XYLT1: variants seen among roughly 807,000 people sequenced by gnomAD.
XYLT1 encodes the protein xylosyltransferase 1, also known as beta-D-xylosyltransferase 1.
Under a neutral mutation model 91.3 loss-of-function variants are expected in XYLT1, and 36 were observed. The observed-to-expected ratio is 0.39, with a 90% confidence interval of 0.30 to 0.52. The LOEUF (loss-of-function observed/expected upper bound fraction) is 0.52. Among genes scored for constraint, XYLT1 ranks in the 20% least tolerant of loss-of-function variants. The pLI is 0.68. For synonymous variants in XYLT1, 588 were observed against 532.0 expected (o/e 1.11, Z -1.45); for missense variants, 1,242 against 1,284.5 (o/e 0.97, Z 0.51).
In XYLT1 at chr16:17,259,465, C is replaced by T. The variant is rs2033689677; in HGVS notation, c.436G>A (p.Val146Met). Residue 146 changes from valine (V) to methionine (M), a missense_variant, in exon 3 of 12, where the codon GTG becomes ATG. Physicochemically the swap from Val to Met is conservative, Grantham distance 21 (BLOSUM62 1). This residue lies in a region of XYLT1 where 437 missense variants were observed against 411.5 expected (regional missense o/e 1.06). Transcript: ENST00000261381. ...TTCTCGTTGTTGCTGTCTGTTCGCA[C>T]TTTCTCTTTCGGCCGATGAGAAAAG... ...GYFSHRPKEK[V>M]RTDSNNENSV... 6.2e-7 allele frequency: 1 copy of T among 1,611,506 alleles called. No homozygotes were observed. Among genetic ancestry groups the T allele is most frequent in the Non-Finnish European group, 8.5e-7 (1 of 1,179,008 alleles).
intron 2 of XYLT1, 139 bp from the exon 3 acceptor site, chr16:17,259,637 C>T: frequency 3.8e-6 from 4 of 1,043,316 alleles, no homozygotes; most frequent in Non-Finnish European, 5.5e-6. Flanking sequence ...CTGGTTTAAC[C>T]TCTGGTAAGA....
intron 2 of XYLT1, among the ~76,000 whole-genome samples, chr16:17,305,767 C>G (rs1348528718): frequency 1.3e-5 from 2 of 152,056 alleles, no homozygotes; most frequent in Non-Finnish European, 2.9e-5. Context: ...CTATAAGGAC[C>G]CGGCAAACCC....
chr16:17,402,024 C>T (rs1010758319), intron 1 of XYLT1, among the ~76,000 whole-genome samples: 45 of 152,098 alleles, frequency 3.0e-4, no homozygotes, highest in Non-Finnish European at 6.2e-4. Context: ...CTAGGCTGAG[C>T]GTGGTGGCTC....
At chr16:17,321,489 C>A (rs540653373) in intron 2 of XYLT1, among the ~76,000 whole-genome samples, 1 of 150,974 alleles carries the variant, frequency 6.6e-6, no homozygotes, top group Non-Finnish European at 1.5e-5. Flanking sequence ...TCTCAAGTAG[C>A]TGGGATTACA....
chr16:17,192,545 G>A (rs372182613), intron 5 of XYLT1, among the ~76,000 whole-genome samples: 8 of 152,154 alleles, frequency 5.3e-5, no homozygotes, highest in Non-Finnish European at 8.8e-5. Flanking sequence ...CATACCTTTC[G>A]AGGATTCAAG....
At chr16:17,239,274 C>T (rs2033299373) in intron 3 of XYLT1, among the ~76,000 whole-genome samples, 1 of 151,422 alleles carries the variant, frequency 6.6e-6, no homozygotes, top group Non-Finnish European at 1.5e-5. Context: ...CCCAGTCCAT[C>T]CATCCATGAT....
chr16:17,185,703 A>G (rs1465837546), intron 5 of XYLT1, among the ~76,000 whole-genome samples: 9 of 152,206 alleles, frequency 5.9e-5, no homozygotes, highest in Admixed American at 4.6e-4. Flanking sequence ...GACACTTTAA[A>G]AATATATAGA....
At chr16:17,313,413 G>A (rs367744851) in intron 2 of XYLT1, among the ~76,000 whole-genome samples, 6 of 152,148 alleles carry the variant, frequency 3.9e-5, no homozygotes, top group East Asian at 1.9e-4. Flanking sequence ...GGCAGCCAGC[G>A]ACCTACCAGA....
At chr16:17,380,910 C>T (rs2035671756) in intron 1 of XYLT1, among the ~76,000 whole-genome samples, 1 of 152,178 alleles carries the variant, frequency 6.6e-6, no homozygotes, top group Non-Finnish European at 1.5e-5. Context: ...TACAAAAGGA[C>T]AAATACTGTG....
In XYLT1 at chr16:17,431,310, C is replaced by G. The variant is rs552575832; in HGVS notation, c.363+39124G>C. 2.6e-5 allele frequency among the ~76,000 whole-genome samples: 4 copies of G among 152,302 alleles called. No individual in the cohort carries two copies. In the East Asian group the frequency reaches 7.7e-4, roughly 29 times the overall value. On this transcript the variant is annotated intron_variant, in intron 1 of 11. Transcript: ENST00000261381. ...ACGTGCACATCTATCGCCTGGGAAT[C>G]TTGTGAAAATGCAAATTCTGACTCA... is the stretch of plus-strand genomic sequence containing the variant.
chr16:17,134,557 G>T lies in XYLT1; in HGVS notation c.1943C>A (p.Thr648Lys). ...PDGIHSLSDVTLTLYHSFARL... is the reference protein window; with the variant it reads ...PDGIHSLSDVKLTLYHSFARL... The stretch of plus-strand genomic sequence containing the variant: ...GGCAAAGGAGTGGTACAAGGTGAGT[G>T]TCACGTCGCTCAGGCTGTGGATGCC... The change falls in exon 9 of 12, where the codon ACA becomes AAA. Residue 648 changes from threonine (T) to lysine (K), a missense_variant. This residue lies in a region of XYLT1 where 511 missense variants were observed against 497.0 expected (regional missense o/e 1.03). Transcript: ENST00000261381. 6.2e-7 allele frequency: 1 copy of T among 1,614,200 alleles called. No homozygotes were observed. The highest frequency in any genetic ancestry group is 8.5e-7 in the Non-Finnish European group (1 of 1,180,046).
Position 17,102,754 on chromosome 16 carries a change from T to C in XYLT1, c.*5941A>G, listed in dbSNP as rs1966722411. 1.0e-5 allele frequency: 1 copy of C among 97,678 alleles called. No homozygotes were observed. Among genetic ancestry groups the C allele is most frequent in the African/African-American group, 7.7e-5 (1 of 12,916 alleles). The allele number at this position is 97,678 out of a possible 1,614,324, so 6.1% of individuals were successfully genotyped here. On this transcript the variant is annotated 3_prime_UTR_variant, in exon 12 of 12. Transcript: ENST00000261381. ...CCATTTGAATTCTTTTTTTAAAACT[T>C]TATTTACAGATTTTTTTTAAAATCA...
chr16:17,389,752 T>C (rs1404286886), intron 1 of XYLT1, among the ~76,000 whole-genome samples: 1 of 152,062 alleles, frequency 6.6e-6, no homozygotes, highest in Non-Finnish European at 1.5e-5. Flanking sequence ...AATCAAAGGG[T>C]GTAGGCTTCA....
At chr16:17,456,209 C>CT (rs138121598) in intron 1 of XYLT1, among the ~76,000 whole-genome samples, 12,384 of 151,430 alleles carry the variant, frequency 0.082, 554 homozygotes, top group Middle Eastern at 0.12. Flanking sequence ...CACACTCGAC[C>CT]TTTTTTTTAC....
chr16:17,458,693 AC>A (rs921563846), intron 1 of XYLT1, among the ~76,000 whole-genome samples: 13 of 152,108 alleles, frequency 8.5e-5, no homozygotes, highest in Non-Finnish European at 1.6e-4. Flanking sequence ...ATCGTCATTA[AC>A]CAACCAAGCT....
At chr16:17,432,286 G>A (rs187652125) in intron 1 of XYLT1, among the ~76,000 whole-genome samples, 181 of 152,234 alleles carry the variant, frequency 1.2e-3, no homozygotes, top group African/African-American at 3.8e-3. Flanking sequence ...TCATAGCAGC[G>A]TTATTCACAA....
In XYLT1 at chr16:17,259,615, C is replaced by A. The variant is rs542796565; in HGVS notation, c.403-117G>T. ...GAAGCCGGGGCCATAGTTTCACATC[C>A]TACTTTTGCTACTGGTTTAACCTCT... is the stretch of plus-strand genomic sequence containing the variant. On this transcript the variant is annotated intron_variant, in intron 2 of 11. Transcript: ENST00000261381. 1.2e-3 allele frequency: 1,462 copies of A among 1,210,658 alleles called. 9 individuals are homozygous for A. In the South Asian group the frequency reaches 0.012, roughly 10 times the overall value. The allele number at this position is 1,210,658 out of a possible 1,614,324, so 75.0% of individuals were successfully genotyped here. A position where few individuals can be genotyped will look rare whatever the true frequency, so the allele number is the denominator to read the frequency against.
At position 17,405,851 on chromosome 16, in the gene XYLT1, T is replaced by A. The variant is rs113683827; in HGVS notation, c.364-47801A>T. On this transcript the variant is annotated intron_variant, in intron 1 of 11. Coordinates refer to ENST00000261381, the MANE Select transcript of XYLT1 (RefSeq NM_022166.4). Reference sequence around the variant, plus strand: ...CTCCATTTCCCCTCCCTGCCCTCAGTTACTTCCTATCCATACAGAGGGGGG... The same window carrying A: ...CTCCATTTCCCCTCCCTGCCCTCAGATACTTCCTATCCATACAGAGGGGGG... Among the ~76,000 whole-genome samples the A allele has an allele frequency of 3.6e-3, 551 of 152,290 alleles. 4 individuals are homozygous for A. Among genetic ancestry groups the A allele is most frequent in the African/African-American group, 0.012 (514 of 41,548 alleles).
chr16:17,212,944 A>G (rs1399997833), intron 3 of XYLT1, among the ~76,000 whole-genome samples: 1 of 152,118 alleles, frequency 6.6e-6, no homozygotes, highest in Non-Finnish European at 1.5e-5. Context: ...TCAAGGATGA[A>G]AGAGCTATTA....
Sources: gnomAD v4.1 joint callset for allele counts (sites outside exome capture counted in the v4.1 genomes callset) on GRCh38, gnomAD v4.1.1 for gene constraint, gnomAD v4.1.1 regional missense constraint, MANE v1.5 for transcripts, NCBI Gene and HGNC (gene_info 2026-07-23, HGNC 2026-07-21) for gene names.